The following CHRM3 variants were observed in gnomAD, a reference collection of about 807,000 sequenced individuals.
The protein encoded by CHRM3 is cholinergic receptor muscarinic 3.
A neutral mutation model predicts 41.8 loss-of-function variants in CHRM3; 11 were observed. The observed-to-expected ratio is 0.26, with a 90% confidence interval of 0.17 to 0.44. CHRM3 has a LOEUF of 0.44. Among genes scored for constraint, CHRM3 ranks in the 20% least tolerant of loss-of-function variants. CHRM3 has a pLI of 1.00. For missense variants in CHRM3, 571 were observed against 745.4 expected (o/e 0.77, Z 2.72); for synonymous variants, 297 against 301.4 (o/e 0.99, Z 0.15).
intron 1 of CHRM3, among the ~76,000 whole-genome samples, chr1:239,463,500 C>T (rs1024588814): frequency 6.6e-6 from 1 of 151,992 alleles, no homozygotes; most frequent in African/African-American, 2.4e-5. Context: ...TTAGTTTTAA[C>T]CTGTCACTGC....
Position 239,908,211 on chromosome 1 carries a change from A to G in CHRM3, c.760A>G (p.Ile254Val). Reference protein sequence around the residue: ...VTIMTILYWRIYKETEKRTKE... With the variant: ...VTIMTILYWRVYKETEKRTKE... ...CATTATGACTATTTTATACTGGAGG[A>G]TCTATAAGGAAACTGAAAAGCGTAC... Residue 254 changes from isoleucine (I) to valine (V), a missense_variant, in exon 7 of 7, where the codon ATC becomes GTC. Transcript: ENST00000676153. This position sits in a 1 kb window ranked among gnomAD's most constrained non-coding sequence, Gnocchi z 7.2. 6.2e-7 allele frequency: 1 copy of G among 1,614,102 alleles called. No individual in the cohort carries two copies. Among genetic ancestry groups the G allele is most frequent in the East Asian group, 2.2e-5 (1 of 44,862 alleles).
chr1:239,720,085 T>C (rs1381731956), intron 5 of CHRM3: 1 of 151,884 alleles, frequency 6.6e-6, no homozygotes, highest in Non-Finnish European at 1.5e-5. Context: ...AGCAGTAAGT[T>C]TACAGAGCAG....
At chr1:239,853,683 T>A (rs1278402258) in intron 6 of CHRM3, among the ~76,000 whole-genome samples, 3 of 152,098 alleles carry the variant, frequency 2.0e-5, no homozygotes, top group Non-Finnish European at 4.4e-5. Flanking sequence ...AAACTGTATC[T>A]TCAGGAAGCA....
intron 5 of CHRM3, among the ~76,000 whole-genome samples, chr1:239,706,068 ATTTAT>A (rs1339215686): frequency 2.0e-5 from 3 of 149,404 alleles, no homozygotes; most frequent in African/African-American, 4.9e-5. Context: ...AAATTATTAA[ATTTAT>A]TTTATGTTAT....
intron 4 of CHRM3, among the ~76,000 whole-genome samples, chr1:239,670,200 C>T (rs1054153444): frequency 1.3e-5 from 2 of 152,132 alleles, no homozygotes; most frequent in African/African-American, 4.8e-5. Flanking sequence ...AACATATTTT[C>T]ACCATCACGC....
chr1:239,649,226 C>T (rs1324951682), intron 4 of CHRM3, among the ~76,000 whole-genome samples: 1 of 151,960 alleles, frequency 6.6e-6, no homozygotes. Flanking sequence ...TTAAAGAGGC[C>T]CAAGAGAGCT....
chr1:239,777,986 T>C (rs563029126), intron 5 of CHRM3, among the ~76,000 whole-genome samples: 1 of 152,090 alleles, frequency 6.6e-6, no homozygotes, highest in Non-Finnish European at 1.5e-5. Flanking sequence ...GAAGGAGAGA[T>C]AAAAGACTAC....
intron 2 of CHRM3, among the ~76,000 whole-genome samples, chr1:239,533,947 G>C (rs1235091112): frequency 6.6e-6 from 1 of 152,072 alleles, no homozygotes; most frequent in Non-Finnish European, 1.5e-5. Flanking sequence ...CTCCTGCCCT[G>C]TTGATTCTGA....
chr1:239,437,768 G>C (rs539635340), intron 1 of CHRM3, among the ~76,000 whole-genome samples: 1 of 152,210 alleles, frequency 6.6e-6, no homozygotes, highest in South Asian at 2.1e-4. Context: ...GAGGCCAAAA[G>C]GTTCACCAGA....
At chr1:239,903,539 G>C (rs1015015101) in intron 6 of CHRM3, among the ~76,000 whole-genome samples, 1 of 152,166 alleles carries the variant, frequency 6.6e-6, no homozygotes, top group Non-Finnish European at 1.5e-5. Flanking sequence ...TTAGTTGCAG[G>C]TGACAGAAAG....
At chr1:239,689,701 A>C (rs547885189) in intron 5 of CHRM3, among the ~76,000 whole-genome samples, 1 of 152,308 alleles carries the variant, frequency 6.6e-6, no homozygotes, top group East Asian at 1.9e-4. Context: ...TCTTTTAGGC[A>C]TTGATGCTAA....
chr1:239,780,197 A>G (rs560114373), intron 5 of CHRM3, among the ~76,000 whole-genome samples: 17 of 152,316 alleles, frequency 1.1e-4, no homozygotes, highest in Middle Eastern at 3.4e-3. Context: ...TTTCGTAAGA[A>G]ACTGCTAAAC....
chr1:239,489,847 C>T (rs1479586212), intron 1 of CHRM3, among the ~76,000 whole-genome samples: 1 of 152,068 alleles, frequency 6.6e-6, no homozygotes, highest in African/African-American at 2.4e-5. Context: ...ATTGTTCTGG[C>T]TTTGTTTCTG....
At chr1:239,718,973 T>C (rs907127542) in intron 5 of CHRM3, 1 of 151,992 alleles carries the variant, frequency 6.6e-6, no homozygotes, top group African/African-American at 2.4e-5. Context: ...GCTTAGAAGT[T>C]ATGAGTTTAG....
chr1:239,476,984 A>G (rs1666510267), intron 1 of CHRM3, among the ~76,000 whole-genome samples: 1 of 152,200 alleles, frequency 6.6e-6, no homozygotes, highest in Non-Finnish European at 1.5e-5. Flanking sequence ...TGGAAGTCAA[A>G]TGGAAGTTAG....
intron 2 of CHRM3, among the ~76,000 whole-genome samples, chr1:239,500,198 C>T (rs1289144178): frequency 6.6e-6 from 1 of 151,982 alleles, no homozygotes; most frequent in Non-Finnish European, 1.5e-5. Context: ...TTCACAATAG[C>T]GAAGACTTGG....
At position 239,910,882 on chromosome 1, in the gene CHRM3, A is replaced by C. The variant is rs1030018143; in HGVS notation, c.*1658A>C. The C allele has an allele frequency of 6.0e-6, 1 of 167,046 alleles. No homozygotes were observed. The highest frequency in any genetic ancestry group is 1.5e-5 in the Non-Finnish European group (1 of 68,120). 10.3% of individuals were successfully genotyped at this position (167,046 alleles called of 1,614,324 possible). ...TACAGACGACTTTGACAACAGTAGA[A>C]GTGTACTCAGTGGTGTCTGTGTATC... On this transcript the variant is annotated 3_prime_UTR_variant, in exon 7 of 7. Coordinates refer to ENST00000676153, the MANE Select transcript of CHRM3 (RefSeq NM_001375978.1).
intron 5 of CHRM3, among the ~76,000 whole-genome samples, chr1:239,788,109 A>T (rs1669054797): frequency 6.6e-6 from 1 of 152,002 alleles, no homozygotes; most frequent in African/African-American, 2.4e-5. Flanking sequence ...GGTGGCATGC[A>T]TCTGTAGTAC....
chr1:239,408,067 G>A (rs1286078087), intron 1 of CHRM3, among the ~76,000 whole-genome samples: 1 of 152,210 alleles, frequency 6.6e-6, no homozygotes, highest in African/African-American at 2.4e-5. Context: ...TGTGGTGAGA[G>A]GGACCTGGTG....
Sources: allele counts gnomAD v4.1 joint callset (sites outside exome capture counted in the v4.1 genomes callset), GRCh38; gene constraint gnomAD v4.1.1; non-coding constraint Gnocchi (gnomAD v3.1); transcripts MANE v1.5; gene names NCBI Gene and HGNC (gene_info 2026-07-23, HGNC 2026-07-21).